Variants in TNRC6A observed in about 807,000 individuals in gnomAD.
The protein encoded by TNRC6A is trinucleotide repeat-containing gene 6A protein.
TNRC6A carries 44 observed loss-of-function variants against 221.2 expected under a neutral mutation model. The observed-to-expected ratio is 0.20, with a 90% confidence interval of 0.16 to 0.26. The LOEUF (loss-of-function observed/expected upper bound fraction) is 0.26, where lower values mean the gene tolerates loss of function less well. Ranked by LOEUF, TNRC6A falls within the 10% of genes least tolerant of loss-of-function variation. TNRC6A has a pLI of 1.00. For missense variants in TNRC6A, 2,199 were observed against 2,404.4 expected (o/e 0.91, Z 1.79); for synonymous variants, 847 against 838.5 (o/e 1.01, Z -0.18).
In TNRC6A at chr16:24,791,368, G is replaced by A. The variant is rs753787332; in HGVS notation, c.2726G>A (p.Gly909Glu). ...GNNINPNNSS[G>E]WDESSKPTPS... ...AACATAAATCCAAATAATTCATCAGGATGGGATGAATCTTCTAAACCTACT... is the reference window on the plus strand; with the variant it reads ...AACATAAATCCAAATAATTCATCAGAATGGGATGAATCTTCTAAACCTACT... The change falls in exon 6 of 25, where the codon GGA becomes GAA. Residue 909 changes from glycine (G) to glutamate (E), a missense_variant. By Grantham distance (98) the Gly-to-Glu change is moderately conservative. Coordinates refer to ENST00000395799, the MANE Select transcript of TNRC6A (RefSeq NM_014494.4). 2.5e-6 allele frequency: 4 copies of A among 1,591,566 alleles called. No homozygotes were observed. The East Asian group carries it at 6.7e-5, about 27-fold the overall frequency.
At chr16:24,795,881 T>A (rs373432753) in intron 8 of TNRC6A, 26 bp from the exon 9 acceptor site, 34 of 1,582,866 alleles carry the variant, frequency 2.1e-5, no homozygotes, top group Non-Finnish European at 2.8e-5. Context: ...GACCATGCTG[T>A]TTTGTGACTT....
At position 24,816,896 on chromosome 16, in the gene TNRC6A, A is replaced by G. The variant is rs1463568931; in HGVS notation, c.4912A>G (p.Ile1638Val). Residue 1638 changes from isoleucine to valine, a missense_variant, in exon 20 of 25, where the codon ATA (isoleucine) becomes GTA (valine). Around this residue, in one of 8 missense-constraint regions of TNRC6A, gnomAD observed 449 missense variants for 579.7 expected, o/e 0.77. Transcript: ENST00000395799. ...TDPYVTPGSV[I>V]NNLSINTVRE... ...CCCTTACGTCACTCCTGGCAGTGTC[A>G]TAAACAATCTTTCAATTAATACTGT... 1.2e-6 allele frequency: 2 copies of G among 1,614,202 alleles called. No homozygotes were observed. Among genetic ancestry groups the G allele is most frequent in the African/African-American group, 1.3e-5 (1 of 75,062 alleles).
intron 1 of TNRC6A, among the ~76,000 whole-genome samples, chr16:24,612,895 T>G (rs1361655040): frequency 6.6e-6 from 1 of 151,986 alleles, no homozygotes; most frequent in Non-Finnish European, 1.5e-5. Flanking sequence ...CACAAGATGA[T>G]ATATTGTTTC....
intron 2 of TNRC6A, among the ~76,000 whole-genome samples, chr16:24,643,816 T>C (rs1298790035): frequency 6.6e-6 from 1 of 152,128 alleles, no homozygotes; most frequent in African/African-American, 2.4e-5. Flanking sequence ...CCAAATAATG[T>C]TTCTGTCTCT....
chr16:24,758,353 A>G lies in TNRC6A; in HGVS notation c.156A>G (p.Lys52=). The G allele has an allele frequency of 2.5e-6, 4 of 1,610,260 alleles. No homozygotes were observed. Among genetic ancestry groups the G allele is most frequent in the Non-Finnish European group, 3.4e-6 (4 of 1,177,146 alleles). ...TTTTATTTTAGGCCACTGAACAAAAAATCAAAGGTACGTTGTTTAAAGCTA... is the reference window on the plus strand; with the variant it reads ...TTTTATTTTAGGCCACTGAACAAAAGATCAAAGGTACGTTGTTTAAAGCTA... ...EAAQKKATEQ[K]IKVPEQIKPS... Residue 52 remains lysine (K), a synonymous_variant, in exon 4 of 25, where the codon AAA becomes AAG. Coordinates refer to ENST00000395799, the MANE Select transcript of TNRC6A (RefSeq NM_014494.4).
In TNRC6A at chr16:24,777,102, GCAGCCA is replaced by G. The variant is rs10593507; in HGVS notation, c.339_344del (p.Pro117_Gln118del). 3.8e-5 allele frequency: 41 copies of G among 1,090,532 alleles called. No homozygotes were observed. Among genetic ancestry groups the G allele is most frequent in the East Asian group, 1.1e-4 (4 of 36,762 alleles). 67.6% of individuals were successfully genotyped at this position (1,090,532 alleles called of 1,614,324 possible). Reference sequence around the variant, plus strand: ...AGCCGCAGCAGCAGCAGCCACAGCAGCAGCCACAGCCGCAGCCGCAGCAGCAGCAGC... The same window carrying G: ...AGCCGCAGCAGCAGCAGCCACAGCAGCAGCCGCAGCCGCAGCAGCAGCAGC... On this transcript the variant is annotated inframe_deletion, in exon 5 of 25. Coordinates refer to ENST00000395799, the MANE Select transcript of TNRC6A (RefSeq NM_014494.4).
At chr16:24,758,308 ATTG>A in intron 3 of TNRC6A, 28 bp from the exon 4 acceptor site, 1 of 1,592,750 alleles carries the variant, frequency 6.3e-7, no homozygotes, top group Non-Finnish European at 8.6e-7. Flanking sequence ...TCATATTTAC[ATTG>A]TTTTTTGTTT....
intron 2 of TNRC6A, among the ~76,000 whole-genome samples, chr16:24,674,544 G>A (rs1197825455): frequency 2.0e-5 from 3 of 152,122 alleles, no homozygotes; most frequent in African/African-American, 7.2e-5. Flanking sequence ...TATAGAATCT[G>A]GATTTTAGGT....
chr16:24,815,821 C>G (rs2058645544), intron 19 of TNRC6A: 1 of 162,630 alleles, frequency 6.1e-6, no homozygotes, highest in Admixed American at 5.7e-5. Context: ...CCACTGCACT[C>G]CAGCCTGGGC....
At chr16:24,675,702 C>CTATATATA (rs60165161) in intron 2 of TNRC6A, among the ~76,000 whole-genome samples, 28 of 33,266 alleles carry the variant, frequency 8.4e-4, no homozygotes, top group South Asian at 3.4e-3. Flanking sequence ...CTCTCTCTCT[C>CTATATATA]TATATATATA....
intron 2 of TNRC6A, among the ~76,000 whole-genome samples, chr16:24,690,974 A>AT (rs906817023): frequency 6.6e-6 from 1 of 151,484 alleles, no homozygotes; most frequent in Non-Finnish European, 1.5e-5. Flanking sequence ...CGCCCGGCTA[A>AT]TTTTTTTTGT....
chr16:24,666,273 C>T (rs1016941296), intron 2 of TNRC6A, among the ~76,000 whole-genome samples: 87 of 151,760 alleles, frequency 5.7e-4, no homozygotes, highest in Non-Finnish European at 4.4e-5. Flanking sequence ...TTGAAACCAT[C>T]CTGGCTAACA....
At chr16:24,708,068 A>AAC (rs897030505) in intron 2 of TNRC6A, among the ~76,000 whole-genome samples, 27 of 150,536 alleles carry the variant, frequency 1.8e-4, no homozygotes, top group Admixed American at 5.3e-4. Context: ...AAAAAAAAAA[A>AAC]ACACACACAC....
chr16:24,639,392 C>T (rs1054308281), intron 1 of TNRC6A, among the ~76,000 whole-genome samples: 2 of 152,058 alleles, frequency 1.3e-5, no homozygotes, highest in African/African-American at 4.8e-5. Flanking sequence ...ACTTAGGAAG[C>T]TGACGTAGGA....
At chr16:24,643,212 G>T (rs940208516) in intron 2 of TNRC6A, among the ~76,000 whole-genome samples, 3 of 149,838 alleles carry the variant, frequency 2.0e-5, no homozygotes, top group African/African-American at 7.4e-5. Context: ...CAGGAAACAG[G>T]CAGGGCCCAT....
chr16:24,804,853 T>A lies in TNRC6A; in HGVS notation c.3984+2T>A, dbSNP rs1468427073. 6.2e-7 allele frequency: 1 copy of A among 1,613,514 alleles called. No homozygotes were observed. The highest frequency in any genetic ancestry group is 1.3e-5 in the African/African-American group (1 of 75,018). ...CAAAACTTGAATTCTGTTAGACAGG[T>A]AAGTCCAGATGTGTATTTTAGGCTC... On this transcript the variant is annotated splice_donor_variant, in intron 13 of 24. Transcript: ENST00000395799. LOFTEE classifies it high-confidence loss of function.
chr16:24,688,357 A>G (rs1444834699), intron 2 of TNRC6A, among the ~76,000 whole-genome samples: 1 of 152,090 alleles, frequency 6.6e-6, no homozygotes, highest in Non-Finnish European at 1.5e-5. Context: ...AGGCTTCTAC[A>G]AGCTACACTG....
intron 1 of TNRC6A, among the ~76,000 whole-genome samples, chr16:24,634,182 G>A (rs948706041): frequency 2.6e-5 from 4 of 152,098 alleles, no homozygotes; most frequent in Admixed American, 1.3e-4. Flanking sequence ...GTTCAGGCCT[G>A]TAATCCCAGC....
At chr16:24,686,437 T>C (rs1222835657) in intron 2 of TNRC6A, among the ~76,000 whole-genome samples, 2 of 152,172 alleles carry the variant, frequency 1.3e-5, no homozygotes, top group Non-Finnish European at 2.9e-5. Context: ...GTTTTGTTTC[T>C]TCTTGAGGCT....
Sources: gnomAD v4.1 joint callset for allele counts (sites outside exome capture counted in the v4.1 genomes callset) on GRCh38, gnomAD v4.1.1 for gene constraint, gnomAD v4.1.1 regional missense constraint, MANE v1.5 for transcripts, NCBI Gene and HGNC (gene_info 2026-07-23, HGNC 2026-07-21) for gene names.